Variants in SSC4D observed in about 807,000 individuals in gnomAD.
The protein encoded by SSC4D is scavenger receptor cysteine rich family member with 4 domains, also known as scavenger receptor cysteine-rich domain-containing group B protein.
A neutral mutation model predicts 63.4 loss-of-function variants in SSC4D; 57 were observed. The observed-to-expected ratio is 0.90, with a 90% confidence interval of 0.73 to 1.12. The LOEUF is 1.12. Among genes scored for constraint, SSC4D ranks in the 50% most tolerant of loss-of-function variants. The probability of loss-of-function intolerance (pLI) is 0.00; values close to 1 mark genes in which losing one functional copy is unlikely to be tolerated. For missense variants in SSC4D, 791 were observed against 806.4 expected (o/e 0.98, Z 0.23); for synonymous variants, 352 against 345.4 (o/e 1.02, Z -0.21).
rs10271668 is a variant in SSC4D, at chr7:76,393,724, G to A, written c.1022-8C>T. The A allele has an allele frequency of 0.017, 23,235 of 1,392,722 alleles. 785 individuals carry two copies. Among genetic ancestry groups the A allele is most frequent in the East Asian group, 0.14 (4,839 of 33,918 alleles). The allele number at this position is 1,392,722 out of a possible 1,614,324, so 86.3% of individuals were successfully genotyped here. ...CCAGTCGCAGCCGTCCACCTGCGGG[G>A]CGCACAGGCCCGCGGCCAGAGGGGC... is the stretch of plus-strand genomic sequence containing the variant. On this transcript the variant is annotated splice_region_variant and splice_polypyrimidine_tract_variant and intron_variant, in intron 8 of 10. Coordinates refer to ENST00000275560, the MANE Select transcript of SSC4D (RefSeq NM_080744.2).
chr7:76,392,897 G>A (rs1804523575), intron 9 of SSC4D, among the ~76,000 whole-genome samples: 1 of 152,094 alleles, frequency 6.6e-6, no homozygotes, highest in Non-Finnish European at 1.5e-5. Context: ...ACTAGCCCTG[G>A]GGCACCAAAT....
intron 5 of SSC4D, 137 bp from the exon 6 acceptor site, chr7:76,397,969 T>A: frequency 1.2e-6 from 1 of 869,518 alleles, no homozygotes; most frequent in Non-Finnish European, 1.7e-6. Context: ...ACCGCCTCCT[T>A]GGTCCAGACT....
chr7:76,389,881 G>A lies in SSC4D; in HGVS notation c.*178C>T. 1.4e-6 allele frequency: 1 copy of A among 722,504 alleles called. No individual in the cohort carries two copies. Among genetic ancestry groups the A allele is most frequent in the Non-Finnish European group, 2.2e-6 (1 of 444,520 alleles). 44.8% of individuals were successfully genotyped at this position (722,504 alleles called of 1,614,324 possible). ...ATGACAGGCTGAGGTCACGCAGTAA[G>A]TGGACGGGGGTACAGCCAGGCTCCC... On this transcript the variant is annotated 3_prime_UTR_variant, in exon 11 of 11. Coordinates refer to ENST00000275560, the MANE Select transcript of SSC4D (RefSeq NM_080744.2).
intron 1 of SSC4D, among the ~76,000 whole-genome samples, chr7:76,405,372 G>T (rs1364955382): frequency 1.1e-5 from 1 of 92,166 alleles, no homozygotes; most frequent in African/African-American, 4.4e-5. Context: ...GGTAGAGAGG[G>T]TGTTTCACCA....
chr7:76,400,332 GCCCCAGCC>G lies in SSC4D; in HGVS notation c.421_428del (p.Gly141ArgfsTer15). 4 of 1,501,986 alleles carry G rather than the reference GCCCCAGCC, an allele frequency of 2.7e-6. No individual in the cohort carries two copies. The highest frequency in any genetic ancestry group is 4.4e-5 in the Admixed American group (2 of 45,058). The allele number at this position is 1,501,986 out of a possible 1,614,324, so 93.0% of individuals were successfully genotyped here. A position where few individuals can be genotyped will look rare whatever the true frequency, so the allele number is the denominator to read the frequency against. ...CCTCGTAGTGAAAGCAATTGTGGAC[GCCCCAGCC>G]GCGGCTGCCGCACTCGCTCAGCGCA... On this transcript the variant is annotated frameshift_variant, in exon 4 of 11. Transcript: ENST00000275560. LOFTEE classifies it high-confidence loss of function.
intron 7 of SSC4D, among the ~76,000 whole-genome samples, chr7:76,394,748 A>AATATATATATATATATATATATATAT (rs35943058): frequency 7.6e-6 from 1 of 131,302 alleles, no homozygotes; most frequent in African/African-American, 3.0e-5. Flanking sequence ...ATGTATGTAT[A>AATATATATATATATATATATATATAT]ATATATATAT....
At chr7:76,406,949 T>A (rs2115817212) in intron 1 of SSC4D, among the ~76,000 whole-genome samples, 1 of 151,374 alleles carries the variant, frequency 6.6e-6, no homozygotes, top group South Asian at 2.1e-4. Context: ...TTCTTCTGAT[T>A]TAAATTATTT....
At position 76,397,858 on chromosome 7, in the gene SSC4D, C is replaced by T. The variant is rs984159211; in HGVS notation, c.554-26G>A. On this transcript the variant is annotated intron_variant, in intron 5 of 10. Coordinates refer to ENST00000275560, the MANE Select transcript of SSC4D (RefSeq NM_080744.2). ...CTGGGGATGGGGGCGGGGGTCAGGG[C>T]GCATCTCCCACTGGCCTCTGCCCCC... The T allele has an allele frequency of 6.0e-6, 9 of 1,504,260 alleles. No homozygotes were observed. The African/African-American group carries it at 1.3e-4, about 21-fold the overall frequency. The allele number at this position is 1,504,260 out of a possible 1,614,324, so 93.2% of individuals were successfully genotyped here.
intron 3 of SSC4D, 108 bp downstream of exon 3, chr7:76,400,900 C>T: frequency 7.0e-7 from 1 of 1,436,956 alleles, no homozygotes; most frequent in East Asian, 2.5e-5. Context: ...ATGGGGGCAT[C>T]TAGAGTCAAG....
chr7:76,400,574 C>G lies in SSC4D; in HGVS notation c.187G>C (p.Gly63Arg), dbSNP rs1202705257. ...AGGCGGCCCCGGCAGCGGCTGGGGC[C>G]CCCCACCAGCCTCAGCTCTGTGAAG... Reference protein sequence around the residue: ...LPFQELRLVGGPSRCRGRLEV... With the variant: ...LPFQELRLVGRPSRCRGRLEV... Residue 63 changes from glycine (G) to arginine (R), a missense_variant, in exon 4 of 11, where the codon GGC (glycine) becomes CGC (arginine). By Grantham distance (125) the Gly-to-Arg change is moderately radical (BLOSUM62 -2). Coordinates refer to ENST00000275560, the MANE Select transcript of SSC4D (RefSeq NM_080744.2). 2 of 1,479,906 alleles carry G rather than the reference C, an allele frequency of 1.4e-6. No homozygotes were observed. The highest frequency in any genetic ancestry group is 2.7e-5 in the South Asian group (2 of 73,992). The allele number at this position is 1,479,906 out of a possible 1,614,324, so 91.7% of individuals were successfully genotyped here. A position where few individuals can be genotyped will look rare whatever the true frequency, so the allele number is the denominator to read the frequency against.
intron 7 of SSC4D, 91 bp from the exon 8 acceptor site, chr7:76,393,995 A>C (rs1172181351): frequency 2.4e-6 from 3 of 1,267,188 alleles, no homozygotes; most frequent in Non-Finnish European, 3.3e-6. Context: ...AAGACCCCCA[A>C]CCCTACCACA....
At chr7:76,393,118 TG>T (rs1037177403) in intron 9 of SSC4D, among the ~76,000 whole-genome samples, 1 of 152,230 alleles carries the variant, frequency 6.6e-6, no homozygotes, top group Non-Finnish European at 1.5e-5. Flanking sequence ...TTTCTCGAAC[TG>T]GGATCGGCCT....
chr7:76,400,097 G>C (rs898087048), intron 4 of SSC4D, among the ~76,000 whole-genome samples, 189 bp downstream of exon 4: 6 of 152,202 alleles, frequency 3.9e-5, no homozygotes, highest in African/African-American at 1.4e-4. Context: ...CAAGGTCAGG[G>C]TCAGGCAATG....
intron 10 of SSC4D, 92 bp from the exon 11 acceptor site, chr7:76,390,467 C>G: frequency 8.6e-7 from 1 of 1,163,816 alleles, no homozygotes. Flanking sequence ...AGGTCTGAGA[C>G]ACTCTGAGCA....
rs1163664872 is a variant in SSC4D at position 76,400,419 on chromosome 7, G to A, written c.342C>T (p.Gly114=). 5.0e-6 allele frequency: 8 copies of A among 1,605,188 alleles called. No individual in the cohort carries two copies. Among genetic ancestry groups the A allele is most frequent in the Admixed American group, 3.4e-5 (2 of 59,284 alleles). The change falls in exon 4 of 11, where the codon GGC becomes GGT. Residue 114 remains glycine (G), a synonymous_variant. Transcript: ENST00000275560. ...ALPVPRPLAF[G]QGRGPILLDN... ...CCAGCAGGATGGGGCCTCGGCCTTG[G>A]CCAAAGGCAAGGGGCCGTGGCACGG...
At chr7:76,405,631 G>C (rs151196518) in intron 1 of SSC4D, among the ~76,000 whole-genome samples, 1 of 151,976 alleles carries the variant, frequency 6.6e-6, no homozygotes, top group East Asian at 1.9e-4. Flanking sequence ...GTCAGCTTCA[G>C]GGGAAAATGA....
chr7:76,390,841 G>A (rs1398387742), intron 10 of SSC4D, among the ~76,000 whole-genome samples: 3 of 152,066 alleles, frequency 2.0e-5, no homozygotes, highest in South Asian at 2.1e-4. Flanking sequence ...GAAGATTGGC[G>A]CTAGGTGCGG....
intron 6 of SSC4D, 125 bp downstream of exon 6, chr7:76,397,393 G>A: frequency 8.3e-7 from 1 of 1,202,518 alleles, no homozygotes; most frequent in Non-Finnish European, 1.1e-6. Context: ...GGAGAGCTCT[G>A]GGGAGCATCA....
intron 1 of SSC4D, among the ~76,000 whole-genome samples, chr7:76,407,176 G>T (rs6958621): frequency 6.6e-6 from 1 of 151,784 alleles, no homozygotes; most frequent in South Asian, 2.1e-4. Flanking sequence ...GACCTGGCTG[G>T]TCTGGAACTC....
Sources: allele counts gnomAD v4.1 joint callset (sites outside exome capture counted in the v4.1 genomes callset), GRCh38; gene constraint gnomAD v4.1.1; transcripts MANE v1.5; gene names NCBI Gene and HGNC (gene_info 2026-07-23, HGNC 2026-07-21).